Variants in LTF observed in about 807,000 individuals in gnomAD.
The protein encoded by LTF is lactotransferrin, also known as epididymis luminal protein 110.
Under a neutral mutation model 87.2 loss-of-function variants are expected in LTF, and 91 were observed. The ratio of observed to expected loss-of-function variants is 1.04; its 90% CI spans 0.88 to 1.24. LTF has a LOEUF of 1.24. Ranked by LOEUF, LTF falls within the 50% of genes most tolerant of loss-of-function variation. LTF has a pLI of 0.00. For missense variants in LTF, 901 were observed against 904.3 expected, an observed-to-expected ratio of 1.00 and a Z score of 0.05; for synonymous variants, 378 against 356.1, an observed-to-expected ratio of 1.06 and a Z score of -0.69.
rs1288395899 is a variant in LTF at position 46,470,703 on chromosome 3, G to T, written c.-319-237C>A. On this transcript the variant is annotated intron_variant, in intron 1 of 19. Transcript: ENST00000443496. ...CACCTGACAGCTGGGCAGACGGGAA[G>T]GCATGGGGAGAGATGTGGTTAGAAG... Among the ~76,000 whole-genome samples the T allele has an allele frequency of 2.0e-5, 3 of 152,196 alleles. No individual in the cohort carries two copies. In the East Asian group the frequency reaches 5.8e-4, roughly 29 times the overall value.
chr3:46,437,831 T>G (rs1702421411), intron 16 of LTF, 109 bp downstream of exon 16: 1 of 803,670 alleles, frequency 1.2e-6, no homozygotes, highest in Non-Finnish European at 2.1e-6. Flanking sequence ...GATATTATCT[T>G]TCCTTAACAT....
rs1340233449 is a variant in LTF, at chr3:46,436,193, T to C, written c.*2A>G. ...TGGGGAGCTGGGCCATCTTCTTCGG[T>C]TTTACTTCCTGAGGAATTCACAGGC... On this transcript the variant is annotated 3_prime_UTR_variant, in exon 17 of 17. Coordinates refer to ENST00000231751, the MANE Select transcript of LTF (RefSeq NM_002343.6). 1.2e-6 allele frequency: 2 copies of C among 1,613,944 alleles called. No individual in the cohort carries two copies. Among genetic ancestry groups the C allele is most frequent in the Non-Finnish European group, 1.7e-6 (2 of 1,179,938 alleles).
intron 14 of LTF, among the ~76,000 whole-genome samples, chr3:46,441,126 A>G (rs1702505422): frequency 6.6e-6 from 1 of 152,140 alleles, no homozygotes; most frequent in African/African-American, 2.4e-5. Context: ...AGAGGAAGCC[A>G]GGGAGACATT....
At chr3:46,443,314 G>A in intron 13 of LTF, 127 bp downstream of exon 13, 1 of 1,162,752 alleles carries the variant, frequency 8.6e-7, no homozygotes, top group Non-Finnish European at 1.3e-6. Flanking sequence ...GGCCACCCAT[G>A]AGCTGACCCA....
At chr3:46,482,612 GAAAGA>G (rs1315649275) in intron 1 of LTF, among the ~76,000 whole-genome samples, 3 of 31,786 alleles carry the variant, frequency 9.4e-5, no homozygotes, top group African/African-American at 3.7e-4. Flanking sequence ...AAAGAAAGAA[GAAAGA>G]AAGAAAGAAA....
intron 2 of LTF, 70 bp from the exon 3 acceptor site, chr3:46,456,468 C>A: frequency 1.6e-6 from 2 of 1,268,314 alleles, no homozygotes; most frequent in South Asian, 2.4e-5. Flanking sequence ...GACTTCAGGA[C>A]CTCAAAAAGT....
upstream of LTF, among the ~76,000 whole-genome samples, chr3:46,467,933 T>G (rs1703236620): frequency 6.6e-6 from 1 of 152,184 alleles, no homozygotes; most frequent in Non-Finnish European, 1.5e-5. Context: ...TGAAGGCGCC[T>G]AAATTTAATG....
At chr3:46,460,430 C>A in intron 1 of LTF, 1 of 375,992 alleles carries the variant, frequency 2.7e-6, no homozygotes. Flanking sequence ...GAGCTACCAC[C>A]ATTCACTCTG....
rs1262660583 is a variant in LTF, at chr3:46,436,341, T to C, written c.2099-112A>G. 14 of 943,214 alleles carry C rather than the reference T, an allele frequency of 1.5e-5. No homozygotes were observed. The East Asian group carries it at 3.4e-4, about 23-fold the overall frequency. The allele number at this position is 943,214 out of a possible 1,614,324, so 58.4% of individuals were successfully genotyped here. A position where few individuals can be genotyped will look rare whatever the true frequency, so the allele number is the denominator to read the frequency against. ...AAGAGTTTTCTCTGCCCTTCTCCCA[T>C]CACTGAGTCAGTGCTTGCCACACTC... is the stretch of plus-strand genomic sequence containing the variant. On this transcript the variant is annotated intron_variant, in intron 16 of 16. Transcript: ENST00000231751.
chr3:46,479,712 C>T (rs563196179), intron 1 of LTF, among the ~76,000 whole-genome samples: 3 of 152,004 alleles, frequency 2.0e-5, no homozygotes, highest in South Asian at 4.1e-4. Flanking sequence ...TTAGTAGAGA[C>T]GGGGTTTCAC....
chr3:46,454,462 C>G, intron 5 of LTF, 102 bp from the exon 6 acceptor site: 1 of 1,038,182 alleles, frequency 9.6e-7, no homozygotes, highest in East Asian at 2.4e-5. Context: ...GTTTCTACTC[C>G]CTGCAGGGCA....
At position 46,459,715 on chromosome 3, in the gene LTF, C is replaced by G. The variant is rs17855496; in HGVS notation, c.148G>C (p.Gly50Arg). The G allele has an allele frequency of 1.9e-6, 3 of 1,579,504 alleles. No individual in the cohort carries two copies. The South Asian group carries it at 3.5e-5, about 18-fold the overall frequency. The change falls in exon 2 of 17, where the codon GGC becomes CGC. Residue 50 changes from glycine (G) to arginine (R), a missense_variant. Transcript: ENST00000231751. Reference sequence around the variant, plus strand: ...CTCTTTATGCAGCTGACAGGAGGGCCACGCACTTTTCTCATATTCCTTTGC... The same window carrying G: ...CTCTTTATGCAGCTGACAGGAGGGCGACGCACTTTTCTCATATTCCTTTGC... ...QWQRNMRKVR[G>R]PPVSCIKRDS...
chr3:46,448,749 T>C (rs1702719813), intron 9 of LTF, 114 bp downstream of exon 9: 2 of 1,300,994 alleles, frequency 1.5e-6, no homozygotes, highest in African/African-American at 3.0e-5. Flanking sequence ...CAGGCATCCC[T>C]GCCTCACCCA....
At chr3:46,483,436 G>A (rs116647762) in intron 1 of LTF, among the ~76,000 whole-genome samples, 27 of 152,364 alleles carry the variant, frequency 1.8e-4, no homozygotes, top group African/African-American at 6.5e-4. Context: ...CAACTAAGCA[G>A]TGAGAATGAG....
At position 46,455,990 on chromosome 3, in the gene LTF, C is replaced by G. The variant is rs766533208; in HGVS notation, c.317-12G>C. On this transcript the variant is annotated splice_polypyrimidine_tract_variant and intron_variant, in intron 3 of 16. Transcript: ENST00000231751. ...GTGAGTTCGTGGCTCTGCAAAGGGG[C>G]AGACAGAATTGAAAGTTCTTAGCCT... 6.4e-7 allele frequency: 1 copy of G among 1,553,064 alleles called. No individual in the cohort carries two copies. Among genetic ancestry groups the G allele is most frequent in the African/African-American group, 1.4e-5 (1 of 72,718 alleles).
intron 1 of LTF, among the ~76,000 whole-genome samples, chr3:46,482,660 GAA>G (rs1703459202): frequency 2.2e-5 from 1 of 44,748 alleles, no homozygotes; most frequent in Non-Finnish European, 5.0e-5. Flanking sequence ...AAGAAAGAAA[GAA>G]GGAAGGAAGG....
intron 1 of LTF, among the ~76,000 whole-genome samples, chr3:46,484,704 G>A (rs1363105733): frequency 6.6e-6 from 1 of 152,198 alleles, no homozygotes; most frequent in Non-Finnish European, 1.5e-5. Flanking sequence ...GTGCCCAGAG[G>A]AGGAATAAGG....
intron 1 of LTF, among the ~76,000 whole-genome samples, chr3:46,483,999 T>G (rs971131660): frequency 1.3e-5 from 2 of 152,142 alleles, no homozygotes; most frequent in African/African-American, 4.8e-5. Context: ...TTTGGCCTCA[T>G]AAATAACCTT....
intron 13 of LTF, among the ~76,000 whole-genome samples, chr3:46,443,226 C>T (rs1401936617): frequency 2.6e-5 from 4 of 152,208 alleles, no homozygotes; most frequent in South Asian, 2.1e-4. Context: ...AGAAGCACTG[C>T]GGAGCTGAGG....
Sources: allele counts gnomAD v4.1 joint callset (sites outside exome capture counted in the v4.1 genomes callset), GRCh38; gene constraint gnomAD v4.1.1; transcripts MANE v1.5; gene names NCBI Gene and HGNC (gene_info 2026-07-23, HGNC 2026-07-21).